The following RCOR3 variants were observed in gnomAD, a reference collection of about 807,000 sequenced individuals.
RCOR3 encodes the protein REST corepressor 3.
Under a neutral mutation model 64.1 loss-of-function variants are expected in RCOR3, and 13 were observed. That is an observed-to-expected ratio of 0.20 (90% CI 0.13 to 0.32). The LOEUF is 0.32. Ranked by LOEUF, RCOR3 falls within the 10% of genes least tolerant of loss-of-function variation. RCOR3 has a pLI of 1.00. For synonymous variants in RCOR3, 215 were observed against 239.0 expected (o/e 0.90, Z 0.93); for missense variants, 489 against 701.2 (o/e 0.70, Z 3.42).
intron 8 of RCOR3, among the ~76,000 whole-genome samples, chr1:211,293,814 T>C (rs1347525654): frequency 1.3e-5 from 2 of 152,104 alleles, no homozygotes; most frequent in Non-Finnish European, 1.5e-5. Flanking sequence ...CTAGTGAAAA[T>C]AGTTCATAAA....
intron 5 of RCOR3, among the ~76,000 whole-genome samples, chr1:211,276,799 C>T (rs751102426): frequency 7.9e-5 from 12 of 151,924 alleles, no homozygotes; most frequent in Non-Finnish European, 1.6e-4. Context: ...TAAAAAATCC[C>T]ATATTAGGCC....
intron 9 of RCOR3, among the ~76,000 whole-genome samples, chr1:211,299,019 AAAAG>A (rs1169742913): frequency 2.0e-5 from 3 of 150,438 alleles, no homozygotes; most frequent in African/African-American, 7.3e-5. Flanking sequence ...AAAAAAAAAG[AAAAG>A]AAAGCCAGAA....
At chr1:211,263,521 C>A (rs1694716186) in intron 2 of RCOR3, among the ~76,000 whole-genome samples, 1 of 152,164 alleles carries the variant, frequency 6.6e-6, no homozygotes, top group Non-Finnish European at 1.5e-5. Context: ...GCTTAATAGT[C>A]TTCTACAGAA....
At position 211,284,725 on chromosome 1, in the gene RCOR3, T is replaced by G. The variant is rs145753891; in HGVS notation, c.721-4453T>G. ...TTTGTAGAGATGGGGTCTTGCTACA[T>G]TGTCCAGACTGGTCTTGAGCTTCTG... On this transcript the variant is annotated intron_variant, in intron 7 of 11. Coordinates refer to ENST00000419091, the MANE Select transcript of RCOR3 (RefSeq NM_001136223.3). Among the ~76,000 whole-genome samples, 503 of 152,222 alleles carry G rather than the reference T, an allele frequency of 3.3e-3. 2 individuals carry two copies. The Middle Eastern group carries it at 0.048, about 14-fold the overall frequency.
At chr1:211,289,530 TTTATC>T in intron 8 of RCOR3, 134 bp downstream of exon 8, 1 of 697,926 alleles carries the variant, frequency 1.4e-6, no homozygotes, top group Non-Finnish European at 2.4e-6. Context: ...TTTTTTAAAG[TTTATC>T]TTAAGTCCAA....
intron 2 of RCOR3, among the ~76,000 whole-genome samples, chr1:211,264,269 C>G (rs188794523): frequency 6.6e-6 from 1 of 152,094 alleles, no homozygotes; most frequent in African/African-American, 2.4e-5. Context: ...AAGAAAAATT[C>G]CTTGGGTGCT....
In RCOR3 at chr1:211,279,274, G is replaced by A. The variant is rs1395474467; in HGVS notation, c.678G>A (p.Gly226=). The A allele has an allele frequency of 6.2e-7, 1 of 1,612,504 alleles. No homozygotes were observed. Among genetic ancestry groups the A allele is most frequent in the Admixed American group, 1.7e-5 (1 of 59,910 alleles). Residue 226 remains glycine (G), a synonymous_variant, in exon 7 of 12, where the codon GGG becomes GGA. Coordinates refer to ENST00000419091, the MANE Select transcript of RCOR3 (RefSeq NM_001136223.3). ...TAGAAGAAACACATCCAATGGATGG[G>A]AATGATAGTGATTATGATCCCAAAA... is the stretch of plus-strand genomic sequence containing the variant. ...DDVEETHPMD[G]NDSDYDPKKE...
chr1:211,299,126 A>C (rs1355205980), intron 9 of RCOR3, among the ~76,000 whole-genome samples: 2 of 152,232 alleles, frequency 1.3e-5, no homozygotes, highest in Admixed American at 6.5e-5. Context: ...ATTTTAGAAA[A>C]GTTATGACAT....
In RCOR3 at chr1:211,289,219, T is replaced by C; in HGVS notation, c.762T>C (p.Leu254=). 1.2e-6 allele frequency: 2 copies of C among 1,614,132 alleles called. No homozygotes were observed. Among genetic ancestry groups the C allele is most frequent in the South Asian group, 1.1e-5 (1 of 91,090 alleles). The change falls in exon 8 of 12, where the codon CTT becomes CTC. Residue 254 remains leucine (L), a synonymous_variant. Transcript: ENST00000419091. Reference sequence around the variant, plus strand: ...CTGTCCAAACTAGCAAGATTGGACTTGGAAGAAGAGAGTATCAGAGTTTAC... The same window carrying C: ...CTGTCCAAACTAGCAAGATTGGACTCGGAAGAAGAGAGTATCAGAGTTTAC... ...EQPVQTSKIG[L]GRREYQSLQH... is the part of the protein sequence containing the mutation.
At chr1:211,288,568 TTTA>T (rs1698855175) in intron 7 of RCOR3, among the ~76,000 whole-genome samples, 1 of 147,286 alleles carries the variant, frequency 6.8e-6, no homozygotes, top group Non-Finnish European at 1.5e-5. Flanking sequence ...TTATTTATAT[TTTA>T]TTATATTTAT....
At chr1:211,278,016 TA>T (rs1697253260) in intron 5 of RCOR3, 100 bp from the exon 6 acceptor site, 1 of 1,064,310 alleles carries the variant, frequency 9.4e-7, no homozygotes, top group East Asian at 2.7e-5. Flanking sequence ...ACCCATGAAA[TA>T]TTTTTTTATT....
intron 1 of RCOR3, 137 bp downstream of exon 1, chr1:211,259,863 G>A (rs542647819): frequency 1.3e-5 from 14 of 1,087,552 alleles, no homozygotes; most frequent in Middle Eastern, 3.1e-4. Context: ...AACTCCCGGT[G>A]CAGTGCAGCA....
At position 211,312,667 on chromosome 1, in the gene RCOR3, C is replaced by A; in HGVS notation, c.1076-53C>A. ...TTGTGTGTGCATGATGTATAGTACA[C>A]ACAGCTCTCCTTATTGATCCTTCAC... is the stretch of plus-strand genomic sequence containing the variant. On this transcript the variant is annotated intron_variant, in intron 10 of 11. Transcript: ENST00000419091. This position sits in a 1 kb window ranked among gnomAD's most constrained non-coding sequence, Gnocchi z 5.0. 1.6e-6 allele frequency: 2 copies of A among 1,275,030 alleles called. No homozygotes were observed. The highest frequency in any genetic ancestry group is 2.3e-6 in the Non-Finnish European group (2 of 877,350). 79.0% of individuals were successfully genotyped at this position (1,275,030 alleles called of 1,614,324 possible). A position where few individuals can be genotyped will look rare whatever the true frequency, so the allele number is the denominator to read the frequency against.
At position 211,259,535 on chromosome 1, in the gene RCOR3, C is replaced by T. The variant is rs771275771; in HGVS notation, c.-26C>T. 9 of 1,541,090 alleles carry T rather than the reference C, an allele frequency of 5.8e-6. No individual in the cohort carries two copies. Among genetic ancestry groups the T allele is most frequent in the Non-Finnish European group, 7.9e-6 (9 of 1,142,488 alleles). ...CACCCTGACGCCTGCCTCTTCCCCT[C>T]ACCTTTCCCCCTCCCCTGTTCTACC... On this transcript the variant is annotated 5_prime_UTR_variant, in exon 1 of 12. Coordinates refer to ENST00000419091, the MANE Select transcript of RCOR3 (RefSeq NM_001136223.3).
In RCOR3 at chr1:211,316,025, C is replaced by G. The variant is rs1701846227; in HGVS notation, c.*2257C>G. 6.6e-6 allele frequency: 1 copy of G among 152,136 alleles called. No homozygotes were observed. The highest frequency in any genetic ancestry group is 6.5e-5 in the Admixed American group (1 of 15,278). The allele number at this position is 152,136 out of a possible 1,614,324, so 9.4% of individuals were successfully genotyped here. A position where few individuals can be genotyped will look rare whatever the true frequency, so the allele number is the denominator to read the frequency against. On this transcript the variant is annotated 3_prime_UTR_variant, in exon 12 of 12. Coordinates refer to ENST00000419091, the MANE Select transcript of RCOR3 (RefSeq NM_001136223.3). Reference sequence around the variant, plus strand: ...ATTAAAGATTTAAAGATGTCTATGTCTTCTATTTTTATATAATTTCATGTT... The same window carrying G: ...ATTAAAGATTTAAAGATGTCTATGTGTTCTATTTTTATATAATTTCATGTT...
At position 211,314,638 on chromosome 1, in the gene RCOR3, T is replaced by C. The variant is rs535794905; in HGVS notation, c.*870T>C. The C allele has an allele frequency of 8.5e-5, 13 of 152,294 alleles. No homozygotes were observed. The East Asian group carries it at 2.3e-3, about 27-fold the overall frequency. The allele number at this position is 152,294 out of a possible 1,614,324, so 9.4% of individuals were successfully genotyped here. On this transcript the variant is annotated 3_prime_UTR_variant, in exon 12 of 12. Coordinates refer to ENST00000419091, the MANE Select transcript of RCOR3 (RefSeq NM_001136223.3). ...CTAAATGCTATCTGCTTTTAACTAGTAGTTGCCTACATCTGGGGACTTCAG... is the reference window on the plus strand; with the variant it reads ...CTAAATGCTATCTGCTTTTAACTAGCAGTTGCCTACATCTGGGGACTTCAG...
chr1:211,308,684 GTTTTTTTT>G (rs71585833), intron 10 of RCOR3, among the ~76,000 whole-genome samples: 1 of 42,038 alleles, frequency 2.4e-5, no homozygotes, highest in African/African-American at 7.8e-5. Context: ...TTTTTTTTTT[GTTTTTTTT>G]TTTTTTTGTG....
rs370778993 is a variant in RCOR3 at position 211,293,801 on chromosome 1, T to G, written c.940-1875T>G. ...ATGCATTTTAGCTGTGGTTTTAAGA[T>G]CTCTAGTGAAAATAGTTCATAAATT... On this transcript the variant is annotated intron_variant, in intron 8 of 11. Coordinates refer to ENST00000419091, the MANE Select transcript of RCOR3 (RefSeq NM_001136223.3). Among the ~76,000 whole-genome samples, 40 of 152,284 alleles carry G rather than the reference T, an allele frequency of 2.6e-4. No homozygotes were observed. The East Asian group carries it at 7.3e-3, about 28-fold the overall frequency.
Position 211,313,268 on chromosome 1 carries a change from T to C in RCOR3, c.1318-156T>C, listed in dbSNP as rs1216833969. 2.3e-5 allele frequency: 33 copies of C among 1,433,614 alleles called. No individual in the cohort carries two copies. The Admixed American group carries it at 9.2e-4, about 40-fold the overall frequency. 88.8% of individuals were successfully genotyped at this position (1,433,614 alleles called of 1,614,324 possible). On this transcript the variant is annotated intron_variant, in intron 11 of 11. Transcript: ENST00000419091. This position sits in a 1 kb window ranked among gnomAD's most constrained non-coding sequence, Gnocchi z 4.7. ...TTTTGGTTTTTGGTTTTGTTTTGTTTAAAATAAAAGAAGCTTGTGCTTCCA... is the reference window on the plus strand; with the variant it reads ...TTTTGGTTTTTGGTTTTGTTTTGTTCAAAATAAAAGAAGCTTGTGCTTCCA...
Sources: gnomAD v4.1 joint callset for allele counts (sites outside exome capture counted in the v4.1 genomes callset) on GRCh38, gnomAD v4.1.1 for gene constraint, Gnocchi (gnomAD v3.1) non-coding constraint, MANE v1.5 for transcripts, NCBI Gene and HGNC (gene_info 2026-07-23, HGNC 2026-07-21) for gene names.